Variants in PDE10A observed in about 807,000 individuals in gnomAD.
PDE10A encodes the protein cAMP and cAMP-inhibited cGMP 3',5'-cyclic phosphodiesterase 10A.
A neutral mutation model predicts 97.7 loss-of-function variants in PDE10A; 39 were observed. That is an observed-to-expected ratio of 0.40 (90% CI 0.31 to 0.52). The LOEUF is 0.52. Among genes scored for constraint, PDE10A ranks in the 20% least tolerant of loss-of-function variants. The probability of loss-of-function intolerance (pLI) is 0.56; values close to 1 mark genes in which losing one functional copy is unlikely to be tolerated. For synonymous variants in PDE10A, 371 were observed against 376.8 expected (o/e 0.98, Z 0.18); for missense variants, 731 against 1,047.8 (o/e 0.70, Z 4.17).
At chr6:165,838,762 C>G (rs2128472479) in intron 1 of PDE10A, among the ~76,000 whole-genome samples, 1 of 152,360 alleles carries the variant, frequency 6.6e-6, no homozygotes, top group East Asian at 1.9e-4. Context: ...CTTCTCTCCT[C>G]ATCTGCAAAT....
At chr6:165,744,067 T>C (rs2128454075) in intron 1 of PDE10A, among the ~76,000 whole-genome samples, 2 of 152,314 alleles carry the variant, frequency 1.3e-5, no homozygotes, top group South Asian at 4.1e-4. Flanking sequence ...TTACAGGTCA[T>C]CTATTTAAAA....
At chr6:165,439,775 G>T (rs1335595771) in intron 5 of PDE10A, among the ~76,000 whole-genome samples, 1 of 152,156 alleles carries the variant, frequency 6.6e-6, no homozygotes, top group African/African-American at 2.4e-5. Context: ...GACTTAAAAA[G>T]CATTCAAATT....
chr6:165,676,890 G>A (rs4709088), intron 1 of PDE10A, among the ~76,000 whole-genome samples: 70,834 of 152,062 alleles, frequency 0.47, 17,157 homozygotes, highest in East Asian at 0.75. Flanking sequence ...AGGACCACAC[G>A]CACTCACAGC....
intron 1 of PDE10A, among the ~76,000 whole-genome samples, chr6:165,947,794 A>G (rs1036572525): frequency 3.9e-5 from 6 of 152,118 alleles, no homozygotes; most frequent in African/African-American, 9.7e-5. Flanking sequence ...TCTTTGCACA[A>G]TCGTATGGGT....
At chr6:165,595,814 T>G (rs1321330) in intron 1 of PDE10A, among the ~76,000 whole-genome samples, 6,594 of 152,250 alleles carry the variant, frequency 0.043, 416 homozygotes, top group East Asian at 0.29. Context: ...AGCAGCATTT[T>G]GGGGCCTCTT....
chr6:165,731,447 A>G (rs897651898), intron 1 of PDE10A, among the ~76,000 whole-genome samples: 4 of 152,202 alleles, frequency 2.6e-5, no homozygotes, highest in Non-Finnish European at 4.4e-5. Flanking sequence ...AGAGAGTTCC[A>G]GGCAGAAGAG....
intron 1 of PDE10A, among the ~76,000 whole-genome samples, chr6:165,611,568 T>C (rs1331150941): frequency 6.6e-6 from 1 of 152,240 alleles, no homozygotes; most frequent in African/African-American, 2.4e-5. Flanking sequence ...GAATAAGGAA[T>C]AATGACTATG....
At chr6:165,811,698 G>A (rs558811115) in intron 1 of PDE10A, among the ~76,000 whole-genome samples, 5 of 152,266 alleles carry the variant, frequency 3.3e-5, no homozygotes, top group South Asian at 4.2e-4. Context: ...TCCTGAGGCC[G>A]GGAGGGGGGC....
At chr6:165,450,512 TC>T in intron 3 of PDE10A, 150 bp from the exon 4 acceptor site, 5 of 399,688 alleles carry the variant, frequency 1.3e-5, no homozygotes, top group Non-Finnish European at 2.2e-5. Context: ...AATATTATAA[TC>T]TATTTTATAA....
intron 1 of PDE10A, among the ~76,000 whole-genome samples, chr6:165,970,460 A>G (rs963680448): frequency 5.9e-5 from 9 of 152,174 alleles, no homozygotes; most frequent in Non-Finnish European, 2.9e-5. Flanking sequence ...AAAAATTTCT[A>G]CTGTACATGC....
At chr6:165,674,808 C>T (rs1790750117) in intron 1 of PDE10A, among the ~76,000 whole-genome samples, 1 of 152,214 alleles carries the variant, frequency 6.6e-6, no homozygotes, top group Admixed American at 6.5e-5. Context: ...CCGGCATAAA[C>T]TTCCAGTTAG....
At chr6:165,946,269 G>T (rs1297627869) in intron 1 of PDE10A, among the ~76,000 whole-genome samples, 1 of 152,170 alleles carries the variant, frequency 6.6e-6, no homozygotes, top group African/African-American at 2.4e-5. Context: ...GACTGAGGCG[G>T]GTGGATCACG....
chr6:165,610,764 A>G (rs569262649), intron 1 of PDE10A, among the ~76,000 whole-genome samples: 2 of 152,304 alleles, frequency 1.3e-5, no homozygotes, highest in African/African-American at 4.8e-5. Flanking sequence ...ACTTTTCTGT[A>G]TAAGTTCCAC....
intron 1 of PDE10A, among the ~76,000 whole-genome samples, chr6:165,595,376 T>C (rs1418594583): frequency 2.0e-5 from 3 of 152,216 alleles, no homozygotes; most frequent in Non-Finnish European, 4.4e-5. Flanking sequence ...ATCACACAGA[T>C]GGACATCTGC....
At chr6:165,599,761 A>G (rs1786825289) in intron 1 of PDE10A, among the ~76,000 whole-genome samples, 1 of 152,242 alleles carries the variant, frequency 6.6e-6, no homozygotes, top group East Asian at 1.9e-4. Context: ...AGGCAGGAGC[A>G]GGAGTGCGTC....
intron 1 of PDE10A, among the ~76,000 whole-genome samples, chr6:165,960,410 G>T (rs760726765): frequency 1.3e-5 from 2 of 152,170 alleles, no homozygotes; most frequent in Non-Finnish European, 2.9e-5. Flanking sequence ...ATTCCAGGAC[G>T]AGGAAAGAGA....
intron 1 of PDE10A, among the ~76,000 whole-genome samples, chr6:165,590,839 C>T (rs113737081): frequency 6.6e-6 from 1 of 151,918 alleles, no homozygotes; most frequent in African/African-American, 2.4e-5. Context: ...TGCAGTGAGC[C>T]GAGATCACGC....
At chr6:165,540,579 T>G (rs1380332769) in intron 2 of PDE10A, among the ~76,000 whole-genome samples, 2 of 152,164 alleles carry the variant, frequency 1.3e-5, no homozygotes, top group Non-Finnish European at 2.9e-5. Context: ...ATTTTCTTCC[T>G]CAAAAAGTTT....
chr6:165,686,334 A>G (rs886277429), intron 1 of PDE10A, among the ~76,000 whole-genome samples: 1 of 151,820 alleles, frequency 6.6e-6, no homozygotes, highest in Non-Finnish European at 1.5e-5. Flanking sequence ...TCCTGGTTGG[A>G]TTTCCCTGTG....
Sources: gnomAD v4.1 joint callset for allele counts (sites outside exome capture counted in the v4.1 genomes callset) on GRCh38, gnomAD v4.1.1 for gene constraint, MANE v1.5 for transcripts, NCBI Gene and HGNC (gene_info 2026-07-23, HGNC 2026-07-21) for gene names.